Variants in PHF8 observed in about 807,000 individuals in gnomAD.
The protein encoded by PHF8 is histone lysine demethylase PHF8.
PHF8 carries 9 observed loss-of-function variants against 74.4 expected under a neutral mutation model. The ratio of observed to expected loss-of-function variants is 0.12; its 90% CI spans 0.07 to 0.21. The LOEUF (loss-of-function observed/expected upper bound fraction) is 0.21. Among genes scored for constraint, PHF8 ranks in the 10% least tolerant of loss-of-function variants. The pLI, the probability that PHF8 is intolerant of heterozygous loss-of-function variation, is 1.00. For missense variants in PHF8, 478 were observed against 816.6 expected (o/e 0.59, Z 5.05); for synonymous variants, 311 against 316.6 (o/e 0.98, Z 0.19).
At chrX:54,016,396 A>T (rs1402203480) in intron 6 of PHF8, among the ~76,000 whole-genome samples, 199 bp downstream of exon 6, 1 of 108,957 alleles carries the variant, frequency 9.2e-6, no homozygotes, top group Non-Finnish European at 1.9e-5. Context: ...CAGGAGGCTG[A>T]GGCAGGAGAA....
chrX:54,012,184 G>A (rs782583863), intron 7 of PHF8, among the ~76,000 whole-genome samples: 1 of 110,690 alleles, frequency 9.0e-6, no homozygotes, highest in East Asian at 2.8e-4. Flanking sequence ...ATGTCTTTAC[G>A]CACAAATGTC....
chrX:53,987,202 T>C (rs1490012963), intron 15 of PHF8, 39 bp from the exon 16 acceptor site: 1 of 906,971 alleles, frequency 1.1e-6, no homozygotes, highest in Non-Finnish European at 1.6e-6. Context: ...GAAGCTATGA[T>C]TAGCATTTCA....
intron 18 of PHF8, among the ~76,000 whole-genome samples, chrX:53,964,387 A>C (rs1485591877): frequency 4.5e-5 from 5 of 111,639 alleles, no homozygotes; most frequent in Non-Finnish European, 9.4e-5. Flanking sequence ...ATTTAAAAAA[A>C]GGAAAAATAA....
intron 10 of PHF8, among the ~76,000 whole-genome samples, chrX:54,001,457 A>C (rs1381571489): frequency 1.2e-4 from 13 of 111,454 alleles, no homozygotes; most frequent in African/African-American, 4.2e-4. Context: ...CAGTGAGCCA[A>C]GATCACGCCA....
At chrX:54,003,450 A>C (rs2065854237) in intron 8 of PHF8, among the ~76,000 whole-genome samples, 1 of 111,270 alleles carries the variant, frequency 9.0e-6, no homozygotes, top group Admixed American at 9.6e-5. Flanking sequence ...TGAGGTCAGG[A>C]GTTTGAGACC....
upstream of PHF8, chrX:54,045,002 G>C: frequency 1.4e-6 from 1 of 698,183 alleles, no homozygotes; most frequent in Non-Finnish European, 2.2e-6. Flanking sequence ...GCTTCGAGAA[G>C]CCAAGTGACT....
chrX:54,007,496 A>C (rs2065914173), intron 8 of PHF8, among the ~76,000 whole-genome samples: 1 of 112,450 alleles, frequency 8.9e-6, no homozygotes, highest in African/African-American at 3.2e-5. Flanking sequence ...AAATATTTGC[A>C]AATCACATAT....
chrX:53,952,699 C>T (rs902350419), intron 19 of PHF8, among the ~76,000 whole-genome samples: 7 of 107,169 alleles, frequency 6.5e-5, no homozygotes, highest in Non-Finnish European at 9.6e-5. Context: ...CTGGCTAACA[C>T]GGTGAAACCT....
At chrX:53,974,016 T>C (rs2065334803) in intron 18 of PHF8, among the ~76,000 whole-genome samples, 1 of 110,599 alleles carries the variant, frequency 9.0e-6, no homozygotes, top group East Asian at 2.8e-4. Context: ...TCTCAGCACT[T>C]TGGGGGGCTG....
chrX:54,042,573 A>G, intron 2 of PHF8, 58 bp downstream of exon 2: 1 of 990,681 alleles, frequency 1.0e-6, no homozygotes, highest in Non-Finnish European at 1.4e-6. Flanking sequence ...AAAGGAAGAG[A>G]GAGCAAGTGA....
At chrX:54,000,336 G>A (rs1290257733) in intron 10 of PHF8, among the ~76,000 whole-genome samples, 1 of 111,489 alleles carries the variant, frequency 9.0e-6, no homozygotes, top group African/African-American at 3.3e-5. Context: ...GTGCCTCCTG[G>A]GTTTCAAAAT....
intron 18 of PHF8, among the ~76,000 whole-genome samples, chrX:53,972,321 CA>C (rs1236817498): frequency 0.081 from 2,759 of 34,112 alleles, 77 homozygotes; most frequent in African/African-American, 0.24. Context: ...GACGCTGTCT[CA>C]AAAAAAAAAA....
At chrX:53,972,321 C>CAAAAAAA (rs1236817498) in intron 18 of PHF8, among the ~76,000 whole-genome samples, 64 of 33,976 alleles carry the variant, frequency 1.9e-3, no homozygotes, top group South Asian at 3.9e-3. Flanking sequence ...GACGCTGTCT[C>CAAAAAAA]AAAAAAAAAA....
At chrX:53,960,186 C>T (rs1353943764) in intron 19 of PHF8, among the ~76,000 whole-genome samples, 1 of 108,492 alleles carries the variant, frequency 9.2e-6, no homozygotes. Flanking sequence ...TGCCATTCTC[C>T]TGCCTCAGCC....
At chrX:53,953,438 C>T (rs782427824) in intron 19 of PHF8, among the ~76,000 whole-genome samples, 1 of 108,649 alleles carries the variant, frequency 9.2e-6, no homozygotes, top group East Asian at 2.9e-4. Context: ...GACAGGAGTT[C>T]GAGACCAGCC....
At chrX:53,995,625 G>T in intron 12 of PHF8, 68 bp downstream of exon 12, 1 of 668,713 alleles carries the variant, frequency 1.5e-6, no homozygotes, top group Non-Finnish European at 2.5e-6. Flanking sequence ...AACTGCAGAG[G>T]CCTAACCTGC....
At chrX:54,046,306 C>T (rs1354298488), upstream of PHF8, among the ~76,000 whole-genome samples, 2 of 110,577 alleles carry the variant, frequency 1.8e-5, no homozygotes, top group African/African-American at 6.6e-5. Context: ...AAAAAATAGC[C>T]GGGCGCGGTG....
intron 14 of PHF8, among the ~76,000 whole-genome samples, chrX:53,992,524 A>G (rs1236401455): frequency 9.0e-6 from 1 of 111,569 alleles, no homozygotes; most frequent in Non-Finnish European, 1.9e-5. Flanking sequence ...AGGCTTGCCA[A>G]TTCGATTTCA....
Position 54,043,752 on chromosome X carries a change from CA to C in PHF8, c.-93+9del. On this transcript the variant is annotated intron_variant, in intron 1 of 21. Transcript: ENST00000338154. ...CTGACAGTAATAGCCTCGCAGCCCC[CA>C]AAACTTACAGGAATCTTAACGCTTC... 1.4e-6 allele frequency: 1 copy of C among 704,452 alleles called. No homozygotes were observed. Among genetic ancestry groups the C allele is most frequent in the Non-Finnish European group, 1.7e-6 (1 of 593,694 alleles). 58.1% of individuals were successfully genotyped at this position (704,452 alleles called of 1,213,427 possible). A position where few individuals can be genotyped will look rare whatever the true frequency, so the allele number is the denominator to read the frequency against.
Sources: allele counts gnomAD v4.1 joint callset (sites outside exome capture counted in the v4.1 genomes callset), GRCh38; gene constraint gnomAD v4.1.1; transcripts MANE v1.5; gene names NCBI Gene and HGNC (gene_info 2026-07-23, HGNC 2026-07-21).